Variants in MRPS9 observed in about 807,000 individuals in gnomAD.
MRPS9 encodes the protein mitochondrial ribosomal protein S9, also known as small ribosomal subunit protein uS9m.
A neutral mutation model predicts 59.9 loss-of-function variants in MRPS9; 45 were observed. The observed-to-expected ratio is 0.75, with a 90% CI of 0.59 to 0.96. The LOEUF (loss-of-function observed/expected upper bound fraction) is 0.96. Ranked by LOEUF, MRPS9 falls within the 40% of genes least tolerant of loss-of-function variation. The pLI is 0.00. For missense variants in MRPS9, 473 were observed against 481.1 expected (o/e 0.98, Z 0.16); for synonymous variants, 171 against 166.8 (o/e 1.03, Z -0.19).
chr2:105,071,159 G>A (rs75625887), intron 2 of MRPS9, among the ~76,000 whole-genome samples, 154 bp from the exon 3 acceptor site: 6,386 of 152,236 alleles, frequency 0.042, 387 homozygotes, highest in East Asian at 0.23. Context: ...TGGATTGTGT[G>A]TAGTAATTTT....
At chr2:105,082,381 G>A (rs1005393703) in intron 5 of MRPS9, among the ~76,000 whole-genome samples, 3 of 152,184 alleles carry the variant, frequency 2.0e-5, no homozygotes, top group African/African-American at 7.2e-5. Flanking sequence ...GTGCCTGTGT[G>A]CAGTTATGTG....
intron 2 of MRPS9, 96 bp downstream of exon 2, chr2:105,049,446 C>T: frequency 9.3e-7 from 1 of 1,070,798 alleles, no homozygotes; most frequent in Non-Finnish European, 1.4e-6. Context: ...GTGTTTTAAT[C>T]AAGCTGTCAG....
chr2:105,089,887 A>G (rs1346760574), intron 6 of MRPS9, 33 bp from the exon 7 acceptor site: 2 of 1,452,322 alleles, frequency 1.4e-6, no homozygotes, highest in African/African-American at 2.8e-5. Flanking sequence ...TGCATGGCTA[A>G]TTAAAAAGAG....
At position 105,044,511 on chromosome 2, in the gene MRPS9, G is replaced by A. The variant is rs538962777; in HGVS notation, c.136-4660G>A. ...AGAATGCCATACTCTTAAGCAATGT[G>A]TAGAAATGTCTTTGAAAAAGATCCT... is the stretch of plus-strand genomic sequence containing the variant. On this transcript the variant is annotated intron_variant, in intron 1 of 10. Transcript: ENST00000258455. 9.2e-5 allele frequency among the ~76,000 whole-genome samples: 14 copies of A among 152,298 alleles called. No individual in the cohort carries two copies. In the South Asian group the frequency reaches 2.3e-3, roughly 25 times the overall value.
chr2:105,075,807 A>AT (rs1434224798), intron 4 of MRPS9, among the ~76,000 whole-genome samples: 2 of 152,300 alleles, frequency 1.3e-5, no homozygotes, highest in African/African-American at 4.8e-5. Flanking sequence ...TTGAGCATTA[A>AT]TTTTTTTGGT....
intron 5 of MRPS9, among the ~76,000 whole-genome samples, chr2:105,082,525 A>C (rs1452293525): frequency 1.3e-5 from 2 of 152,214 alleles, no homozygotes; most frequent in Non-Finnish European, 2.9e-5. Flanking sequence ...GCCCTGATGC[A>C]CCTTGCAGTG....
intron 2 of MRPS9, among the ~76,000 whole-genome samples, chr2:105,058,428 T>A (rs549319652): frequency 6.6e-6 from 1 of 152,324 alleles, no homozygotes; most frequent in Admixed American, 6.5e-5. Flanking sequence ...AATTCTTTCA[T>A]ACTTTGATTT....
intron 2 of MRPS9, among the ~76,000 whole-genome samples, chr2:105,060,017 TAAAAA>T (rs10547330): frequency 9.9e-6 from 1 of 100,604 alleles, no homozygotes; most frequent in Admixed American, 1.1e-4. Context: ...GGAAAACTGC[TAAAAA>T]AAAAAAAAAA....
intron 5 of MRPS9, among the ~76,000 whole-genome samples, chr2:105,088,669 T>G (rs1050743786): frequency 5.3e-5 from 8 of 152,072 alleles, no homozygotes; most frequent in African/African-American, 1.9e-4. Flanking sequence ...GTTAAAGGTT[T>G]TTGGTTTTTT....
In MRPS9 at chr2:105,084,247, A is replaced by AATATAGATATATATATATAT. The variant is rs754016660; in HGVS notation, c.489+4190_489+4191insGATATATATATATATATATA. On this transcript the variant is annotated intron_variant, in intron 5 of 10. Transcript: ENST00000258455. ...TGGCCACAGATGAAATATATACCAA[A>AATATAGATATATATATATAT]ATATATATATATATATATATATGTA... Among the ~76,000 whole-genome samples the AATATAGATATATATATATAT allele has an allele frequency of 6.0e-4, 84 of 139,600 alleles. 2 individuals are homozygous for AATATAGATATATATATATAT. Among genetic ancestry groups the AATATAGATATATATATATAT allele is most frequent in the African/African-American group, 2.0e-3 (75 of 38,278 alleles). 91.6% of individuals were successfully genotyped at this position (139,600 alleles called of 152,430 possible).
chr2:105,065,124 T>G (rs1318936255), intron 2 of MRPS9, among the ~76,000 whole-genome samples: 1 of 152,226 alleles, frequency 6.6e-6, no homozygotes, highest in Non-Finnish European at 1.5e-5. Context: ...AGAACTCAGG[T>G]GGGATAAATA....
chr2:105,087,984 C>T (rs1422787943), intron 5 of MRPS9, among the ~76,000 whole-genome samples: 3 of 151,934 alleles, frequency 2.0e-5, no homozygotes, highest in Non-Finnish European at 2.9e-5. Context: ...TAATCAGAGC[C>T]CACAAGAAGT....
chr2:105,090,755 A>C (rs2104468047), intron 7 of MRPS9, among the ~76,000 whole-genome samples: 1 of 152,124 alleles, frequency 6.6e-6, no homozygotes, highest in Non-Finnish European at 1.5e-5. Flanking sequence ...GGGTGTAGAT[A>C]AATTTCACAA....
chr2:105,079,915 T>C (rs1680294597), intron 4 of MRPS9, 68 bp from the exon 5 acceptor site: 1 of 1,063,382 alleles, frequency 9.4e-7, no homozygotes, highest in Admixed American at 2.1e-5. Context: ...TAACTGTGGT[T>C]AAATGCAGCT....
intron 2 of MRPS9, among the ~76,000 whole-genome samples, chr2:105,057,764 C>A (rs1255924822): frequency 6.6e-6 from 1 of 152,164 alleles, no homozygotes; most frequent in Non-Finnish European, 1.5e-5. Context: ...AAGTTGAGGA[C>A]CACTGATATT....
intron 4 of MRPS9, among the ~76,000 whole-genome samples, chr2:105,073,606 G>T (rs770143758): frequency 1.1e-4 from 17 of 152,252 alleles, no homozygotes; most frequent in South Asian, 1.0e-3. Flanking sequence ...GAAGCTTCTA[G>T]ATTGAGTTAA....
intron 2 of MRPS9, among the ~76,000 whole-genome samples, chr2:105,055,812 T>C (rs949647544): frequency 3.3e-5 from 5 of 152,194 alleles, no homozygotes; most frequent in African/African-American, 7.2e-5. Context: ...GGCTGATGAG[T>C]CAGCATTTCC....
chr2:105,068,025 T>G (rs1281001915), intron 2 of MRPS9, among the ~76,000 whole-genome samples: 1 of 152,142 alleles, frequency 6.6e-6, no homozygotes, highest in Non-Finnish European at 1.5e-5. Context: ...GATCTCAGTA[T>G]CTCTAAAAAG....
intron 7 of MRPS9, among the ~76,000 whole-genome samples, chr2:105,090,455 T>A (rs1011288303): frequency 2.0e-5 from 3 of 152,148 alleles, no homozygotes; most frequent in African/African-American, 7.2e-5. Flanking sequence ...GTGGTTTTTA[T>A]CTTGGGATCT....
Sources: gnomAD v4.1 joint callset for allele counts (sites outside exome capture counted in the v4.1 genomes callset) on GRCh38, gnomAD v4.1.1 for gene constraint, MANE v1.5 for transcripts, NCBI Gene and HGNC (gene_info 2026-07-23, HGNC 2026-07-21) for gene names.